The following ZNF326 variants were observed in gnomAD, a reference collection of about 807,000 sequenced individuals.
ZNF326 encodes zinc finger protein 326.
Under a neutral mutation model 63.1 loss-of-function variants are expected in ZNF326, and 30 were observed. The ratio of observed to expected loss-of-function variants is 0.48; its 90% CI spans 0.36 to 0.64. The LOEUF is 0.64. Among genes scored for constraint, ZNF326 ranks in the 30% least tolerant of loss-of-function variants. The pLI, the probability that ZNF326 is intolerant of heterozygous loss-of-function variation, is 0.00. For missense variants in ZNF326, 609 were observed against 720.3 expected, an observed-to-expected ratio of 0.85 and a Z score of 1.77; for synonymous variants, 194 against 228.2, an observed-to-expected ratio of 0.85 and a Z score of 1.35.
rs184108682 is a variant in ZNF326, at chr1:90,024,259, C to A, written c.1401+1914C>A. On this transcript the variant is annotated intron_variant, in intron 11 of 11. Transcript: ENST00000340281. ...AAGACAAAAAAACAAAACAAAACAA[C>A]TTTGTCCTCATTGAGATAATCAGTA... 3.6e-3 allele frequency among the ~76,000 whole-genome samples: 552 copies of A among 152,262 alleles called. 3 individuals are homozygous for A. Among genetic ancestry groups the A allele is most frequent in the Middle Eastern group, 0.017 (5 of 294 alleles).
chr1:90,032,588 C>T lies in ZNF326; in HGVS notation c.*4887C>T, dbSNP rs965523952. 6.6e-6 allele frequency: 1 copy of T among 152,056 alleles called. No individual in the cohort carries two copies. Among genetic ancestry groups the T allele is most frequent in the Non-Finnish European group, 1.5e-5 (1 of 68,014 alleles). The allele number at this position is 152,056 out of a possible 1,614,324, so 9.4% of individuals were successfully genotyped here. On this transcript the variant is annotated 3_prime_UTR_variant, in exon 12 of 12. Transcript: ENST00000340281. ...TGCTGTGAAATATTTCTAGAAGATACAAAACAAGGAATTAGATCTTGGTGA... is the reference window on the plus strand; with the variant it reads ...TGCTGTGAAATATTTCTAGAAGATATAAAACAAGGAATTAGATCTTGGTGA...
chr1:90,005,894 AT>A, intron 4 of ZNF326: 2 of 985,410 alleles, frequency 2.0e-6, no homozygotes, highest in Non-Finnish European at 2.4e-6. Flanking sequence ...TCGAGATTGT[AT>A]TTATATTTTC....
At chr1:90,020,753 A>T in intron 9 of ZNF326, 39 bp from the exon 10 acceptor site, 10 of 1,574,496 alleles carry the variant, frequency 6.4e-6, no homozygotes, top group Non-Finnish European at 8.6e-6. Context: ...CAGAAATAAC[A>T]TATGAATTAT....
At position 90,032,475 on chromosome 1, in the gene ZNF326, A is replaced by G. The variant is rs1386579358; in HGVS notation, c.*4774A>G. 6.6e-6 allele frequency: 1 copy of G among 152,212 alleles called. No homozygotes were observed. Among genetic ancestry groups the G allele is most frequent in the African/African-American group, 2.4e-5 (1 of 41,448 alleles). 9.4% of individuals were successfully genotyped at this position (152,212 alleles called of 1,614,324 possible). On this transcript the variant is annotated 3_prime_UTR_variant, in exon 12 of 12. Coordinates refer to ENST00000340281, the MANE Select transcript of ZNF326 (RefSeq NM_182976.4). ...CTTGATTCAAGTCATTAAATTCTAAAGTTCTATTAAAATTGTAGAGGAGAT... is the reference window on the plus strand; with the variant it reads ...CTTGATTCAAGTCATTAAATTCTAAGGTTCTATTAAAATTGTAGAGGAGAT...
At position 89,998,135 on chromosome 1, in the gene ZNF326, T is replaced by C. The variant is rs1207601273; in HGVS notation, c.42T>C (p.Asn14=). Residue 14 remains asparagine (N), a synonymous_variant, in exon 2 of 12, where the codon AAT becomes AAC. Transcript: ENST00000340281. ...EDDYTHSACR[N]TYQGFNGMDR... ...ATTACACACACTCCGCCTGCAGGAA[T>C]ACTTATCAGGGCTTTAATGGTAAGT... 6.2e-7 allele frequency: 1 copy of C among 1,613,388 alleles called. No homozygotes were observed. Among genetic ancestry groups the C allele is most frequent in the Admixed American group, 1.7e-5 (1 of 59,936 alleles).
At position 90,027,787 on chromosome 1, in the gene ZNF326, T is replaced by TAA. The variant is rs1650094594; in HGVS notation, c.*86_*87insAA. On this transcript the variant is annotated 3_prime_UTR_variant, in exon 12 of 12. Coordinates refer to ENST00000340281, the MANE Select transcript of ZNF326 (RefSeq NM_182976.4). ...GAAATTTAATAGCTTAAAATATGAA[T>TAA]TAACACCCATGTTGCATGCATTCCA... 1.6e-6 allele frequency: 2 copies of TAA among 1,280,056 alleles called. No homozygotes were observed. Among genetic ancestry groups the TAA allele is most frequent in the Middle Eastern group, 2.7e-4 (1 of 3,716 alleles). 79.3% of individuals were successfully genotyped at this position (1,280,056 alleles called of 1,614,324 possible). A position where few individuals can be genotyped will look rare whatever the true frequency, so the allele number is the denominator to read the frequency against.
intron 4 of ZNF326, chr1:90,006,078 TC>T: frequency 4.1e-6 from 4 of 985,432 alleles, no homozygotes; most frequent in Non-Finnish European, 4.8e-6. Flanking sequence ...AATTGAAGGA[TC>T]CGGATTCCTT....
At chr1:89,997,326 G>C (rs1484538840) in intron 1 of ZNF326, among the ~76,000 whole-genome samples, 1 of 152,108 alleles carries the variant, frequency 6.6e-6, no homozygotes, top group Admixed American at 6.5e-5. Flanking sequence ...CTTGAATATA[G>C]AACACAGTCA....
chr1:90,008,842 G>A (rs991962484), intron 5 of ZNF326, among the ~76,000 whole-genome samples: 3 of 152,074 alleles, frequency 2.0e-5, no homozygotes, highest in Non-Finnish European at 2.9e-5. Context: ...CCTTTAATGC[G>A]TAATTAAGGA....
At position 89,995,157 on chromosome 1, in the gene ZNF326, G is replaced by A; in HGVS notation, c.-101G>A. 5.0e-6 allele frequency: 7 copies of A among 1,409,270 alleles called. No individual in the cohort carries two copies. The highest frequency in any genetic ancestry group is 4.8e-6 in the Non-Finnish European group (5 of 1,047,048). 87.3% of individuals were successfully genotyped at this position (1,409,270 alleles called of 1,614,324 possible). ...CCCGGGCTGGTAGCGCGCCGCTCTC[G>A]GTCGCGCGGAGTGATCGTGTGGAAT... On this transcript the variant is annotated 5_prime_UTR_variant, in exon 1 of 12. Coordinates refer to ENST00000340281, the MANE Select transcript of ZNF326 (RefSeq NM_182976.4).
chr1:90,015,539 G>A (rs916067574), intron 7 of ZNF326, among the ~76,000 whole-genome samples: 1 of 152,104 alleles, frequency 6.6e-6, no homozygotes, highest in African/African-American at 2.4e-5. Context: ...AATTAGCCAG[G>A]TGTGGTGGCA....
rs1454550065 is a variant in ZNF326, at chr1:90,031,069, G to A, written c.*3368G>A. On this transcript the variant is annotated 3_prime_UTR_variant, in exon 12 of 12. Transcript: ENST00000340281. ...GCCCTCATACAAATTTCTGGTGCCTGTAACTCTTCCCCTATCAAGGCAGGA... is the reference window on the plus strand; with the variant it reads ...GCCCTCATACAAATTTCTGGTGCCTATAACTCTTCCCCTATCAAGGCAGGA... 1.3e-5 allele frequency: 2 copies of A among 152,194 alleles called. No individual in the cohort carries two copies. Among genetic ancestry groups the A allele is most frequent in the East Asian group, 1.9e-4 (1 of 5,202 alleles). The allele number at this position is 152,194 out of a possible 1,614,324, so 9.4% of individuals were successfully genotyped here. A position where few individuals can be genotyped will look rare whatever the true frequency, so the allele number is the denominator to read the frequency against.
chr1:90,008,724 G>A (rs961471281), intron 5 of ZNF326, among the ~76,000 whole-genome samples: 6 of 152,130 alleles, frequency 3.9e-5, no homozygotes, highest in African/African-American at 1.2e-4. Context: ...TAGGGTACAC[G>A]TTTTTGACTG....
At position 90,033,297 on chromosome 1, in the gene ZNF326, A is replaced by G. The variant is rs1650350796; in HGVS notation, c.*5596A>G. 6.6e-6 allele frequency: 1 copy of G among 152,158 alleles called. No homozygotes were observed. The highest frequency in any genetic ancestry group is 6.6e-5 in the Admixed American group (1 of 15,266). The allele number at this position is 152,158 out of a possible 1,614,324, so 9.4% of individuals were successfully genotyped here. A position where few individuals can be genotyped will look rare whatever the true frequency, so the allele number is the denominator to read the frequency against. On this transcript the variant is annotated 3_prime_UTR_variant, in exon 12 of 12. Transcript: ENST00000340281. The stretch of plus-strand genomic sequence containing the variant: ...GTTGACTCCTAGGCTCTCATTTGCA[A>G]GTAGACAAATGAGAAACAGCAAATA...
chr1:90,008,284 A>T (rs749152020), intron 5 of ZNF326, among the ~76,000 whole-genome samples: 39 of 152,216 alleles, frequency 2.6e-4, no homozygotes, highest in Non-Finnish European at 5.1e-4. Flanking sequence ...GATGTGTATA[A>T]TAGATTGTAC....
intron 11 of ZNF326, among the ~76,000 whole-genome samples, chr1:90,026,006 G>A (rs947810451): frequency 2.7e-5 from 4 of 146,132 alleles, no homozygotes; most frequent in African/African-American, 5.1e-5. Context: ...TCGCTGTGTC[G>A]CCCAGGCCAT....
At position 90,033,795 on chromosome 1, in the gene ZNF326, T is replaced by C. The variant is rs1056119856; in HGVS notation, c.*6094T>C. On this transcript the variant is annotated 3_prime_UTR_variant, in exon 12 of 12. Transcript: ENST00000340281. The stretch of plus-strand genomic sequence containing the variant: ...TTAAACTTCATGAGATTAAGAGCCA[T>C]ATGTATAGAGAATTCACCATTGAAT... 2 of 152,106 alleles carry C rather than the reference T, an allele frequency of 1.3e-5. No homozygotes were observed. The highest frequency in any genetic ancestry group is 4.8e-5 in the African/African-American group (2 of 41,426). The allele number at this position is 152,106 out of a possible 1,614,324, so 9.4% of individuals were successfully genotyped here.
chr1:90,001,656 C>T (rs1004365998), intron 2 of ZNF326, among the ~76,000 whole-genome samples: 16 of 151,402 alleles, frequency 1.1e-4, no homozygotes, highest in Non-Finnish European at 1.9e-4. Context: ...TGGGTTCAAG[C>T]AATTCTTTTG....
At chr1:89,996,707 C>G (rs1648394272) in intron 1 of ZNF326, among the ~76,000 whole-genome samples, 1 of 151,190 alleles carries the variant, frequency 6.6e-6, no homozygotes, top group Non-Finnish European at 1.5e-5. Flanking sequence ...CCATTGCACT[C>G]TAGCCTGGGC....
Sources: allele counts gnomAD v4.1 joint callset (sites outside exome capture counted in the v4.1 genomes callset), GRCh38; gene constraint gnomAD v4.1.1; transcripts MANE v1.5; gene names NCBI Gene and HGNC (gene_info 2026-07-23, HGNC 2026-07-21).